GSE1: variants seen among roughly 807,000 people sequenced by gnomAD.
GSE1 encodes genetic suppressor element 1.
In GSE1, 32 loss-of-function variants were observed where a neutral mutation model predicts 112.6. The observed-to-expected ratio is 0.28, with a 90% CI of 0.21 to 0.38. GSE1 has a LOEUF of 0.38. Ranked by LOEUF, GSE1 falls within the 10% of genes least tolerant of loss-of-function variation. The probability of loss-of-function intolerance (pLI) is 1.00; values close to 1 mark genes in which losing one functional copy is unlikely to be tolerated. For synonymous variants in GSE1, 1,115 were observed against 735.6 expected, an observed-to-expected ratio of 1.52 and a Z score of -8.35; for missense variants, 2,348 against 1,699.2, an observed-to-expected ratio of 1.38 and a Z score of -6.71.
At chr16:85,477,275 C>T (rs2050487818) in intron 2 of GSE1, among the ~76,000 whole-genome samples, 1 of 152,190 alleles carries the variant, frequency 6.6e-6, no homozygotes, top group Non-Finnish European at 1.5e-5. Flanking sequence ...CACAGCCTGT[C>T]CCGGGTGCCC....
chr16:85,473,910 A>G (rs1254375225), intron 2 of GSE1, among the ~76,000 whole-genome samples: 1 of 152,044 alleles, frequency 6.6e-6, no homozygotes, highest in Admixed American at 6.5e-5. Flanking sequence ...CAGCTCCGAA[A>G]AAAGAGCCGG....
At chr16:85,657,744 C>T (rs1416097524) in intron 8 of GSE1, 140 bp downstream of exon 8, 10 of 605,932 alleles carry the variant, frequency 1.7e-5, no homozygotes, top group Admixed American at 7.5e-5. Flanking sequence ...TTCATCTTCA[C>T]GTTATAATGC....
chr16:85,634,122 G>A lies in GSE1; in HGVS notation c.216G>A (p.Glu72=). 1.3e-6 allele frequency: 2 copies of A among 1,517,948 alleles called. No homozygotes were observed. The highest frequency in any genetic ancestry group is 1.8e-6 in the Non-Finnish European group (2 of 1,139,314). 94.0% of individuals were successfully genotyped at this position (1,517,948 alleles called of 1,614,324 possible). A position where few individuals can be genotyped will look rare whatever the true frequency, so the allele number is the denominator to read the frequency against. Residue 72 remains glutamate, a synonymous_variant, in exon 2 of 16, where the codon GAG becomes GAA. Coordinates refer to ENST00000253458, the MANE Select transcript of GSE1 (RefSeq NM_014615.5). ...AALRKLAKQA[E]EPRGSSLSSE... ...TGCGCAAGCTCGCCAAACAGGCGGAGGAGCCCAGAGGTAAGGGGGCCCGCC... is the reference window on the plus strand; with the variant it reads ...TGCGCAAGCTCGCCAAACAGGCGGAAGAGCCCAGAGGTAAGGGGGCCCGCC...
At position 85,598,222 on chromosome 16, in the gene GSE1, G is replaced by A. The variant is rs968495987; in HGVS notation, c.37+41859G>A. On this transcript the variant is annotated intron_variant, in intron 1 of 2. Coordinates refer to the GSE1 transcript ENST00000635906. Reference sequence around the variant, plus strand: ...TCTCATCTCTCAGCAGAGTAGGGCTGGACAAGAGGGCCCAGAAGGTTCTTT... The same window carrying A: ...TCTCATCTCTCAGCAGAGTAGGGCTAGACAAGAGGGCCCAGAAGGTTCTTT... 4.3e-5 allele frequency among the ~76,000 whole-genome samples: 6 copies of A among 139,294 alleles called. No individual in the cohort carries two copies. In the South Asian group the frequency reaches 1.3e-3, roughly 31 times the overall value. 91.4% of individuals were successfully genotyped at this position (139,294 alleles called of 152,430 possible). A position where few individuals can be genotyped will look rare whatever the true frequency, so the allele number is the denominator to read the frequency against.
chr16:85,604,757 A>AT (rs2047612967), intron 1 of GSE1, among the ~76,000 whole-genome samples: 2 of 5,130 alleles, frequency 3.9e-4, no homozygotes, highest in South Asian at 6.3e-3. Context: ...AAAAAAAAAA[A>AT]AAAAAAAAAA....
intron 15 of GSE1, 84 bp from the exon 16 acceptor site, chr16:85,672,321 C>G: frequency 3.0e-6 from 3 of 1,008,466 alleles, no homozygotes; most frequent in Non-Finnish European, 3.1e-6. Context: ...TAGGTTTACC[C>G]TTCCATCCAG....
At chr16:85,225,201 A>C (rs564435550) in intron 1 of GSE1, among the ~76,000 whole-genome samples, 116 of 152,270 alleles carry the variant, frequency 7.6e-4, no homozygotes, top group African/African-American at 2.7e-3. Context: ...CAGACATCAC[A>C]CACACACATA....
chr16:85,616,173 C>G (rs561071730), intron 1 of GSE1, among the ~76,000 whole-genome samples: 37 of 152,338 alleles, frequency 2.4e-4, no homozygotes, highest in Non-Finnish European at 2.9e-4. Flanking sequence ...GAGATTCCCC[C>G]CTTCCAACCC....
At chr16:85,271,850 A>G (rs749282133) in intron 1 of GSE1, among the ~76,000 whole-genome samples, 1 of 152,180 alleles carries the variant, frequency 6.6e-6, no homozygotes, top group African/African-American at 2.4e-5. Flanking sequence ...AATGGGTCAC[A>G]TTCTGGTTAA....
chr16:85,643,942 A>G (rs1419816595), intron 2 of GSE1, among the ~76,000 whole-genome samples: 3 of 152,014 alleles, frequency 2.0e-5, no homozygotes, highest in Non-Finnish European at 4.4e-5. Flanking sequence ...GCTCCACAGC[A>G]CAAATGTCCA....
chr16:85,553,042 T>G (rs1012265923), upstream of GSE1, among the ~76,000 whole-genome samples: 1 of 145,520 alleles, frequency 6.9e-6, no homozygotes, highest in Non-Finnish European at 1.5e-5. Flanking sequence ...CTTTTAAAAA[T>G]AGTTTTCTTT....
chr16:85,535,259 C>T (rs540764341), intron 2 of GSE1, among the ~76,000 whole-genome samples: 55 of 152,348 alleles, frequency 3.6e-4, no homozygotes, highest in Non-Finnish European at 6.2e-4. Flanking sequence ...GCAGCCAGTT[C>T]AGAGCCACAG....
chr16:85,177,937 T>C (rs144847127), intron 1 of GSE1, among the ~76,000 whole-genome samples: 1 of 152,198 alleles, frequency 6.6e-6, no homozygotes, highest in Non-Finnish European at 1.5e-5. Context: ...CATATCTACC[T>C]TGGAGAAGAG....
chr16:85,256,862 C>T (rs557581655), intron 1 of GSE1, among the ~76,000 whole-genome samples: 3 of 152,364 alleles, frequency 2.0e-5, no homozygotes, highest in East Asian at 1.9e-4. Flanking sequence ...TGAAACGCAA[C>T]GCAAAATTCA....
chr16:85,332,521 G>C (rs917211792), intron 1 of GSE1, among the ~76,000 whole-genome samples: 5 of 152,112 alleles, frequency 3.3e-5, no homozygotes, highest in Non-Finnish European at 5.9e-5. Context: ...AGCAGCTCTT[G>C]GTTAATATGA....
At chr16:85,566,194 G>A (rs891492814) in intron 1 of GSE1, among the ~76,000 whole-genome samples, 14 of 152,184 alleles carry the variant, frequency 9.2e-5, no homozygotes, top group South Asian at 2.1e-4. Context: ...GCTGCACGCC[G>A]TCCATATCTT....
upstream of GSE1, chr16:85,555,276 TCTC>T (rs528313250): frequency 8.8e-5 from 87 of 985,198 alleles, no homozygotes; most frequent in South Asian, 3.6e-3. Context: ...GCCTCCCCGC[TCTC>T]CTCCTGCCTC....
intron 1 of GSE1, among the ~76,000 whole-genome samples, chr16:85,234,475 G>A (rs1489225973): frequency 6.6e-6 from 1 of 152,208 alleles, no homozygotes; most frequent in Non-Finnish European, 1.5e-5. Context: ...GCTATTCTCT[G>A]CCCTGGAGAC....
At chr16:85,564,435 C>T (rs1480090181) in intron 1 of GSE1, among the ~76,000 whole-genome samples, 1 of 152,164 alleles carries the variant, frequency 6.6e-6, no homozygotes, top group Non-Finnish European at 1.5e-5. Flanking sequence ...GTGACAAGTA[C>T]TGGTGCTGAG....
Sources: allele counts gnomAD v4.1 joint callset (sites outside exome capture counted in the v4.1 genomes callset), GRCh38; gene constraint gnomAD v4.1.1; transcripts MANE v1.5; gene names NCBI Gene and HGNC (gene_info 2026-07-23, HGNC 2026-07-21).